The following BSG variants were observed in gnomAD, a reference collection of about 807,000 sequenced individuals.
The protein encoded by BSG is basigin.
Under a neutral mutation model 43.1 loss-of-function variants are expected in BSG, and 37 were observed. That is an observed-to-expected ratio of 0.86 (90% CI 0.66 to 1.13). The LOEUF is 1.13. Among genes scored for constraint, BSG ranks in the 50% most tolerant of loss-of-function variants. The pLI, the probability that BSG is intolerant of heterozygous loss-of-function variation, is 0.00. For synonymous variants in BSG, 309 were observed against 238.7 expected (o/e 1.29, Z -2.72); for missense variants, 599 against 554.2 (o/e 1.08, Z -0.81).
chr19:581,846 C>T lies in BSG; in HGVS notation c.1069+255C>T, dbSNP rs7252521. Among the ~76,000 whole-genome samples the T allele has an allele frequency of 2.8e-3, 424 of 152,378 alleles. 1 individual carries two copies. The highest frequency in any genetic ancestry group is 9.9e-3 in the African/African-American group (412 of 41,596). On this transcript the variant is annotated intron_variant, in intron 6 of 8. Coordinates refer to ENST00000333511, the MANE Select transcript of BSG (RefSeq NM_001728.4). ...ACAGCCTCACCCGGCCCTTCCCTCCCGCTCACTTGGCTGCAAGCCAGTGTC... is the reference window on the plus strand; with the variant it reads ...ACAGCCTCACCCGGCCCTTCCCTCCTGCTCACTTGGCTGCAAGCCAGTGTC...
At chr19:572,147 G>C (rs1166214544), upstream of BSG, 1 of 152,066 alleles carries the variant, frequency 6.6e-6, no homozygotes, top group African/African-American at 2.4e-5. Context: ...CCATGTTGCC[G>C]CGTCTGGTCT....
At chr19:571,323 C>A (rs958241648), upstream of BSG, 5 of 591,424 alleles carry the variant, frequency 8.5e-6, no homozygotes, top group Non-Finnish European at 9.0e-6. Flanking sequence ...TAGCCCTTCG[C>A]GTTCGGCTTA....
In BSG at chr19:578,010, G is replaced by T; in HGVS notation, c.304G>T (p.Asp102Tyr). The T allele has an allele frequency of 6.2e-7, 1 of 1,612,068 alleles. No homozygotes were observed. Among genetic ancestry groups the T allele is most frequent in the South Asian group, 1.1e-5 (1 of 90,930 alleles). The change falls in exon 2 of 9, where the codon GAC becomes TAC. Residue 102 changes from aspartate (D) to tyrosine (Y), a missense_variant. Coordinates refer to ENST00000333511, the MANE Select transcript of BSG (RefSeq NM_001728.4). The part of the protein sequence containing the change: ...TISIDTLVEE[D>Y]TGTYECRASN... ...CTCCATCGACACGCTCGTGGAGGAGGACACGGGCACTTACGAGTGCCGGGC... is the reference window on the plus strand; with the variant it reads ...CTCCATCGACACGCTCGTGGAGGAGTACACGGGCACTTACGAGTGCCGGGC...
chr19:574,878 G>A (rs1981626947), intron 1 of BSG, among the ~76,000 whole-genome samples: 1 of 152,222 alleles, frequency 6.6e-6, no homozygotes, highest in Admixed American at 6.5e-5. Context: ...GGTGAGGTGA[G>A]CGCGGAAGAT....
chr19:582,181 G>A, intron 6 of BSG, 125 bp from the exon 7 acceptor site: 1 of 1,342,058 alleles, frequency 7.5e-7, no homozygotes, highest in Admixed American at 2.4e-5. Context: ...GCTGCCCCGA[G>A]CCACCCCTGG....
chr19:577,310 C>T (rs1262538217), intron 1 of BSG, among the ~76,000 whole-genome samples: 1 of 152,196 alleles, frequency 6.6e-6, no homozygotes, highest in Non-Finnish European at 1.5e-5. Flanking sequence ...CACGGGCTGT[C>T]CTAACGGAGC....
At chr19:577,307 TGTCCTAACGGAGCC>T (rs984647283) in intron 1 of BSG, among the ~76,000 whole-genome samples, 1 of 152,188 alleles carries the variant, frequency 6.6e-6, no homozygotes, top group Non-Finnish European at 1.5e-5. Flanking sequence ...ACCCACGGGC[TGTCCTAACGGAGCC>T]GGGCTAGGGG....
rs747626645 is a variant in BSG at position 579,508 on chromosome 19, G to A, written c.424G>A (p.Val142Ile). Reference sequence around the variant, plus strand: ...CTCGCCGGGCCTTGCAGCCGGCACAGTCTTCACTACCGTAGAAGACCTTGG... The same window carrying A: ...CTCGCCGGGCCTTGCAGCCGGCACAATCTTCACTACCGTAGAAGACCTTGG... ...AVVLVLEPGT[V>I]FTTVEDLGSK... Residue 142 changes from valine (V) to isoleucine (I), a missense_variant, in exon 3 of 9, where the codon GTC becomes ATC. Coordinates refer to ENST00000333511, the MANE Select transcript of BSG (RefSeq NM_001728.4). 5.6e-6 allele frequency: 9 copies of A among 1,612,528 alleles called. No individual in the cohort carries two copies. The Admixed American group carries it at 1.3e-4, about 24-fold the overall frequency.
At position 577,787 on chromosome 19, in the gene BSG, G is replaced by T. The variant is rs1981904065; in HGVS notation, c.81G>T (p.Gln27His). The change falls in exon 2 of 9, where the codon CAG (glutamine) becomes CAT (histidine). Residue 27 changes from glutamine (Q) to histidine (H), a missense_variant. By Grantham distance (24) the Gln-to-His change is conservative. Coordinates refer to ENST00000333511, the MANE Select transcript of BSG (RefSeq NM_001728.4). Reference sequence around the variant, plus strand: ...CTCTCCCCACAGCCGGCTTCGTCCAGGCGCCGCTGTCCCAGCAGAGGTGGG... The same window carrying T: ...CTCTCCCCACAGCCGGCTTCGTCCATGCGCCGCTGTCCCAGCAGAGGTGGG... ...HGASGAAGFV[Q>H]APLSQQRWVG... The T allele has an allele frequency of 7.0e-6, 10 of 1,423,118 alleles. No homozygotes were observed. The highest frequency in any genetic ancestry group is 9.2e-6 in the Non-Finnish European group (10 of 1,084,382). 88.2% of individuals were successfully genotyped at this position (1,423,118 alleles called of 1,614,324 possible).
chr19:582,872 T>A lies in BSG; in HGVS notation c.*128T>A, dbSNP rs552142598. 2 of 469,664 alleles carry A rather than the reference T, an allele frequency of 4.3e-6. No individual in the cohort carries two copies. The highest frequency in any genetic ancestry group is 7.4e-5 in the East Asian group (2 of 27,098). The allele number at this position is 469,664 out of a possible 1,614,324, so 29.1% of individuals were successfully genotyped here. A position where few individuals can be genotyped will look rare whatever the true frequency, so the allele number is the denominator to read the frequency against. On this transcript the variant is annotated 3_prime_UTR_variant, in exon 9 of 9. Coordinates refer to ENST00000333511, the MANE Select transcript of BSG (RefSeq NM_001728.4). ...CACCCCGTAGATTCCCATCATACAC[T>A]TCCTTCTTTTTTAAAAAAGTTGGGT...
At chr19:582,174 G>A in intron 6 of BSG, 132 bp from the exon 7 acceptor site, 3 of 1,221,242 alleles carry the variant, frequency 2.5e-6, no homozygotes, top group Non-Finnish European at 1.2e-6. Flanking sequence ...CTGATGAGCT[G>A]CCCCGAGCCA....
In BSG at chr19:572,626, A is replaced by G. The variant is rs1220242768; in HGVS notation, c.-9A>G. On this transcript the variant is annotated 5_prime_UTR_variant, in exon 1 of 9. Coordinates refer to ENST00000333511, the MANE Select transcript of BSG (RefSeq NM_001728.4). ...TTGGAGGTTGTAGGACCGGCGAGGA[A>G]TAGGAATCATGGCGGCTGCGCTGTT... The G allele has an allele frequency of 1.8e-5, 27 of 1,498,630 alleles. No homozygotes were observed. The highest frequency in any genetic ancestry group is 1.7e-4 in the Middle Eastern group (1 of 5,836). The allele number at this position is 1,498,630 out of a possible 1,614,324, so 92.8% of individuals were successfully genotyped here. A position where few individuals can be genotyped will look rare whatever the true frequency, so the allele number is the denominator to read the frequency against.
chr19:581,548 C>A lies in BSG; in HGVS notation c.1026C>A (p.Ile342=). The change falls in exon 6 of 9, where the codon ATC becomes ATA. Residue 342 remains isoleucine (I), a synonymous_variant. Coordinates refer to ENST00000333511, the MANE Select transcript of BSG (RefSeq NM_001728.4). The stretch of plus-strand genomic sequence containing the variant: ...AGGTGCTGGTGCTGGTCACCATCAT[C>A]TTCATCTACGAGAAGCGCCGGAAGC... ...VAEVLVLVTI[I]FIYEKRRKPE... 6.3e-7 allele frequency: 1 copy of A among 1,599,638 alleles called. No individual in the cohort carries two copies. The highest frequency in any genetic ancestry group is 1.1e-5 in the South Asian group (1 of 89,338).
intron 4 of BSG, 77 bp from the exon 5 acceptor site, chr19:580,569 G>A (rs1046252711): frequency 4.4e-6 from 7 of 1,605,732 alleles, no homozygotes; most frequent in Non-Finnish European, 5.1e-6. Context: ...CCCTGGAGGG[G>A]AACAGCCCTC....
At position 582,879 on chromosome 19, in the gene BSG, T is replaced by G. The variant is rs1408511475; in HGVS notation, c.*135T>G. On this transcript the variant is annotated 3_prime_UTR_variant, in exon 9 of 9. Transcript: ENST00000333511. ...TAGATTCCCATCATACACTTCCTTC[T>G]TTTTTAAAAAAGTTGGGTTTTCTCC... The G allele has an allele frequency of 4.4e-6, 2 of 453,792 alleles. No homozygotes were observed. The highest frequency in any genetic ancestry group is 2.0e-5 in the African/African-American group (1 of 49,808). The allele number at this position is 453,792 out of a possible 1,614,324, so 28.1% of individuals were successfully genotyped here. A position where few individuals can be genotyped will look rare whatever the true frequency, so the allele number is the denominator to read the frequency against.
chr19:581,619 G>A (rs753064419), intron 6 of BSG, 28 bp downstream of exon 6: 2 of 1,555,748 alleles, frequency 1.3e-6, no homozygotes, highest in Admixed American at 3.7e-5. Flanking sequence ...CTGCCCACAT[G>A]CCCTGCTCTC....
chr19:581,638 C>T, intron 6 of BSG, 47 bp downstream of exon 6: 3 of 1,518,798 alleles, frequency 2.0e-6, no homozygotes, highest in Non-Finnish European at 2.6e-6. Context: ...TCGGGGTGGC[C>T]CAGGGCCACT....
At chr19:577,434 C>T (rs1200361378) in intron 1 of BSG, among the ~76,000 whole-genome samples, 3 of 152,138 alleles carry the variant, frequency 2.0e-5, no homozygotes, top group Non-Finnish European at 4.4e-5. Flanking sequence ...AGTCAGAGGA[C>T]GGTGCGCTTG....
chr19:575,284 G>A (rs868585497), intron 1 of BSG: 1 of 152,388 alleles, frequency 6.6e-6, no homozygotes. Context: ...TGGCCCGTGT[G>A]GGGTGGACAC....
Sources: gnomAD v4.1 joint callset for allele counts (sites outside exome capture counted in the v4.1 genomes callset) on GRCh38, gnomAD v4.1.1 for gene constraint, MANE v1.5 for transcripts, NCBI Gene and HGNC (gene_info 2026-07-23, HGNC 2026-07-21) for gene names.